TTC28: variants seen among roughly 807,000 people sequenced by gnomAD.
TTC28 encodes the protein tetratricopeptide repeat protein 28.
Under a neutral mutation model 198.0 loss-of-function variants are expected in TTC28, and 61 were observed. That is an observed-to-expected ratio of 0.31 (90% CI 0.25 to 0.38). TTC28 has a LOEUF of 0.38. Among genes scored for constraint, TTC28 ranks in the 10% least tolerant of loss-of-function variants. The pLI is 1.00. For missense variants in TTC28, 2,678 were observed against 3,164.0 expected (o/e 0.85, Z 3.69); for synonymous variants, 1,171 against 1,297.8 (o/e 0.90, Z 2.10).
Position 28,163,389 on chromosome 22 carries a change from T to G in TTC28, c.1144A>C (p.Lys382Gln). The G allele has an allele frequency of 6.4e-7, 1 of 1,552,004 alleles. No homozygotes were observed. Among genetic ancestry groups the G allele is most frequent in the Admixed American group, 2.0e-5 (1 of 50,998 alleles). The change falls in exon 6 of 23, where the codon AAG becomes CAG. Residue 382 changes from lysine (K) to glutamine (Q), a missense_variant. Lys to Gln is a moderately conservative substitution (Grantham distance 53). This residue lies in a region of TTC28 where 775 missense variants were observed against 845.9 expected (regional missense o/e 0.92). Coordinates refer to ENST00000397906, the MANE Select transcript of TTC28 (RefSeq NM_001145418.2). ...TTGTTCCCCAGGTCCTTGGCTATCT[T>G]CAGATGCTGCTCATGGCACTGCACA... ...NAVQCHEQHL[K>Q]IAKDLGNKRE...
intron 12 of TTC28, among the ~76,000 whole-genome samples, chr22:28,052,348 G>A (rs922452345): frequency 6.6e-6 from 1 of 152,086 alleles, no homozygotes; most frequent in Non-Finnish European, 1.5e-5. Flanking sequence ...ACCCATCAAG[G>A]TAGATCCTAC....
At chr22:28,162,350 GA>G (rs1921312351) in intron 6 of TTC28, among the ~76,000 whole-genome samples, 1 of 152,000 alleles carries the variant, frequency 6.6e-6, no homozygotes, top group Non-Finnish European at 1.5e-5. Context: ...TAATTTTGAG[GA>G]AAAAATGCAT....
At position 28,192,559 on chromosome 22, in the gene TTC28, A is replaced by G. The variant is rs567586646; in HGVS notation, c.934-28960T>C. Among the ~76,000 whole-genome samples, 58 of 152,294 alleles carry G rather than the reference A, an allele frequency of 3.8e-4. 1 individual carries two copies. In the South Asian group the frequency reaches 0.011, roughly 28 times the overall value. On this transcript the variant is annotated intron_variant, in intron 5 of 22. Transcript: ENST00000397906. ...AAAACCTTGAGAAAAGATTGGATGA[A>G]TGGCTAACTAGAATAAACAGTGTAG...
chr22:28,457,034 A>T (rs1224234580), intron 2 of TTC28, among the ~76,000 whole-genome samples: 3 of 152,238 alleles, frequency 2.0e-5, no homozygotes, highest in Admixed American at 6.5e-5. Context: ...CTATGAATTT[A>T]TTATAAGTAA....
chr22:28,114,048 G>T (rs979317966), intron 6 of TTC28, among the ~76,000 whole-genome samples: 8 of 152,318 alleles, frequency 5.3e-5, no homozygotes, highest in African/African-American at 1.9e-4. Context: ...TCCAGGCTGG[G>T]AGAAGAACAT....
chr22:28,372,121 C>A (rs1334042718), intron 2 of TTC28, among the ~76,000 whole-genome samples: 1 of 151,858 alleles, frequency 6.6e-6, no homozygotes, highest in Non-Finnish European at 1.5e-5. Context: ...AAAAGAGAGT[C>A]CAGCAAACAG....
At chr22:28,199,382 A>ATTATAT (rs1925676909) in intron 5 of TTC28, among the ~76,000 whole-genome samples, 1 of 72,176 alleles carries the variant, frequency 1.4e-5, no homozygotes, top group African/African-American at 5.4e-5. Context: ...TACATTAAAA[A>ATTATAT]TTATATATAT....
At chr22:28,450,225 G>A (rs2047759847) in intron 2 of TTC28, among the ~76,000 whole-genome samples, 1 of 152,136 alleles carries the variant, frequency 6.6e-6, no homozygotes, top group African/African-American at 2.4e-5. Flanking sequence ...GAAGTCTGGA[G>A]CAAGAAGAAT....
chr22:28,564,638 T>A lies in TTC28; in HGVS notation c.381+64914A>T, dbSNP rs572264898. On this transcript the variant is annotated intron_variant, in intron 2 of 22. Coordinates refer to ENST00000397906, the MANE Select transcript of TTC28 (RefSeq NM_001145418.2). ...ACAATACTATACAGTGCATTGAGAA[T>A]AGTGGCTCACTGTAACAATGATTAT... is the stretch of plus-strand genomic sequence containing the variant. 2.6e-5 allele frequency among the ~76,000 whole-genome samples: 4 copies of A among 151,890 alleles called. No homozygotes were observed. The East Asian group carries it at 5.8e-4, about 22-fold the overall frequency.
At position 28,243,174 on chromosome 22, in the gene TTC28, C is replaced by CAAAAAAAAAAAAAAAAAA. The variant is rs754700795; in HGVS notation, c.933+53006_933+53023dup. ...GCAACCTGGCAAAACCCCCTCTCTA[C>CAAAAAAAAAAAAAAAAAA]AAAAAAAAAAAAAAAAAAAAAAAAA... On this transcript the variant is annotated intron_variant, in intron 5 of 22. Transcript: ENST00000397906. Among the ~76,000 whole-genome samples, 37 of 68,328 alleles carry CAAAAAAAAAAAAAAAAAA rather than the reference C, an allele frequency of 5.4e-4. 6 individuals carry two copies. The highest frequency in any genetic ancestry group is 6.4e-4 in the Non-Finnish European group (25 of 38,910). 44.8% of individuals were successfully genotyped at this position (68,328 alleles called of 152,430 possible).
intron 5 of TTC28, among the ~76,000 whole-genome samples, chr22:28,167,908 A>G (rs1446329485): frequency 6.6e-6 from 1 of 152,234 alleles, no homozygotes. Context: ...ACATGATTGT[A>G]TATCTAGAAA....
chr22:28,037,034 C>T (rs1363615532), intron 12 of TTC28, among the ~76,000 whole-genome samples: 3 of 152,022 alleles, frequency 2.0e-5, no homozygotes, highest in African/African-American at 7.2e-5. Flanking sequence ...AATAGCTTAC[C>T]AACCAAAAAA....
At chr22:28,263,962 C>T (rs570063758) in intron 5 of TTC28, among the ~76,000 whole-genome samples, 1 of 152,214 alleles carries the variant, frequency 6.6e-6, no homozygotes, top group African/African-American at 2.4e-5. Context: ...GTGTTTAGAT[C>T]TGCACTTTGA....
chr22:28,513,606 T>G lies in TTC28; in HGVS notation c.381+115946A>C, dbSNP rs536266195. ...GAATAGAATGATACCTGTCTCTAAA[T>G]TTTAAAAAGTTTGTTTAATTAAAAA... On this transcript the variant is annotated intron_variant, in intron 2 of 22. Transcript: ENST00000397906. Among the ~76,000 whole-genome samples the G allele has an allele frequency of 5.9e-5, 9 of 152,260 alleles. No homozygotes were observed. The South Asian group carries it at 1.9e-3, about 32-fold the overall frequency.
intron 5 of TTC28, among the ~76,000 whole-genome samples, chr22:28,220,135 G>C (rs1927739550): frequency 6.6e-6 from 1 of 152,136 alleles, no homozygotes; most frequent in East Asian, 1.9e-4. Flanking sequence ...CATTTCCTTA[G>C]GAATGTTAGT....
chr22:28,062,413 C>CTTTTTTTTTT, intron 12 of TTC28, among the ~76,000 whole-genome samples: 1 of 102,340 alleles, frequency 9.8e-6, no homozygotes, highest in Non-Finnish European at 2.0e-5. Context: ...TTTAACTCTT[C>CTTTTTTTTTT]TTTTTTTTTT....
intron 5 of TTC28, among the ~76,000 whole-genome samples, chr22:28,239,377 C>T (rs1394885282): frequency 6.6e-6 from 1 of 151,914 alleles, no homozygotes; most frequent in South Asian, 2.1e-4. Context: ...ACCACTCTAC[C>T]GTACAAGAAG....
intron 2 of TTC28, among the ~76,000 whole-genome samples, chr22:28,524,042 G>A (rs2048960996): frequency 2.0e-5 from 3 of 152,056 alleles, no homozygotes; most frequent in Admixed American, 6.5e-5. Context: ...AACCCTGGAG[G>A]AGGAAGACTG....
chr22:28,239,500 C>T (rs1929505467), intron 5 of TTC28, among the ~76,000 whole-genome samples: 1 of 152,124 alleles, frequency 6.6e-6, no homozygotes, highest in Non-Finnish European at 1.5e-5. Flanking sequence ...CAACTACAGA[C>T]AGAATGAGCA....
Sources: allele counts gnomAD v4.1 joint callset (sites outside exome capture counted in the v4.1 genomes callset), GRCh38; gene constraint gnomAD v4.1.1; regional missense constraint gnomAD v4.1.1; transcripts MANE v1.5; gene names NCBI Gene and HGNC (gene_info 2026-07-23, HGNC 2026-07-21).